Variants in NECTIN3 observed in about 807,000 individuals in gnomAD.
NECTIN3 encodes nectin-3.
NECTIN3 carries 8 observed loss-of-function variants against 49.4 expected under a neutral mutation model. The observed-to-expected ratio is 0.16, with a 90% CI of 0.10 to 0.29. The LOEUF (loss-of-function observed/expected upper bound fraction) is 0.29, where lower values mean the gene tolerates loss of function less well. Ranked by LOEUF, NECTIN3 falls within the 10% of genes least tolerant of loss-of-function variation. NECTIN3 has a pLI of 1.00. For synonymous variants in NECTIN3, 277 were observed against 241.1 expected, an observed-to-expected ratio of 1.15 and a Z score of -1.38; for missense variants, 581 against 654.6, an observed-to-expected ratio of 0.89 and a Z score of 1.23.
In NECTIN3 at chr3:111,137,484, A is replaced by G. The variant is rs1339821152; in HGVS notation, c.*3269A>G. On this transcript the variant is annotated 3_prime_UTR_variant, in exon 6 of 6. Transcript: ENST00000485303. Reference sequence around the variant, plus strand: ...TGTTTTGTTTTTTCTTTTTTAACCAACCTGTGTATTAGGTGTTAGCCCCAA... The same window carrying G: ...TGTTTTGTTTTTTCTTTTTTAACCAGCCTGTGTATTAGGTGTTAGCCCCAA... The G allele has an allele frequency of 7.5e-6, 7 of 931,400 alleles. No homozygotes were observed. The highest frequency in any genetic ancestry group is 8.7e-6 in the Non-Finnish European group (7 of 804,770). The allele number at this position is 931,400 out of a possible 1,614,324, so 57.7% of individuals were successfully genotyped here. A position where few individuals can be genotyped will look rare whatever the true frequency, so the allele number is the denominator to read the frequency against.
intron 1 of NECTIN3, chr3:111,072,676 C>T: frequency 1.0e-5 from 12 of 1,170,922 alleles, no homozygotes; most frequent in Non-Finnish European, 1.2e-5. Context: ...CACCCAGCCG[C>T]AGAATCCCCT....
rs1290503026 is a variant in NECTIN3 at position 111,160,461 on chromosome 3, TCAAAA to T, written c.1221+12981_1221+12985del. The stretch of plus-strand genomic sequence containing the variant: ...AAATGGGAAACCAAAGTGATAAGAC[TCAAAA>T]CAATAGTAAAAGGAAATAGCCAAAC... On this transcript the variant is annotated intron_variant, in intron 7 of 8. Coordinates refer to the NECTIN3 transcript ENST00000493615. 3.3e-5 allele frequency among the ~76,000 whole-genome samples: 5 copies of T among 152,184 alleles called. 1 individual carries two copies. Among genetic ancestry groups the T allele is most frequent in the Admixed American group, 1.3e-4 (2 of 15,270 alleles).
At chr3:111,091,483 A>G (rs974100625) in intron 1 of NECTIN3, among the ~76,000 whole-genome samples, 2 of 152,020 alleles carry the variant, frequency 1.3e-5, no homozygotes, top group African/African-American at 4.8e-5. Flanking sequence ...CAATCTCCTG[A>G]CCTCATGATT....
chr3:111,085,505 A>C (rs1220402445), intron 1 of NECTIN3, among the ~76,000 whole-genome samples: 1 of 152,150 alleles, frequency 6.6e-6, no homozygotes, highest in Non-Finnish European at 1.5e-5. Context: ...TATTCCTGAA[A>C]CCATTTTCCT....
At chr3:111,090,766 T>A (rs2032219319) in intron 1 of NECTIN3, among the ~76,000 whole-genome samples, 2 of 152,014 alleles carry the variant, frequency 1.3e-5, no homozygotes, top group South Asian at 4.2e-4. Context: ...AGTGCAAGTC[T>A]GCTGATTAAA....
chr3:111,139,108 T>C (rs1453242583), downstream of NECTIN3, among the ~76,000 whole-genome samples: 1 of 151,684 alleles, frequency 6.6e-6, no homozygotes, highest in East Asian at 1.9e-4. Context: ...ACATAATCCT[T>C]CTTGATATTA....
chr3:111,165,279 G>A (rs886346175), intron 7 of NECTIN3, among the ~76,000 whole-genome samples: 8 of 151,990 alleles, frequency 5.3e-5, no homozygotes, highest in East Asian at 3.9e-4. Context: ...TCCTGACCTC[G>A]TGATCCGCCC....
chr3:111,121,795 A>G (rs1250723621), intron 3 of NECTIN3, among the ~76,000 whole-genome samples: 1 of 152,158 alleles, frequency 6.6e-6, no homozygotes, highest in Non-Finnish European at 1.5e-5. Flanking sequence ...TTGTTCCTGT[A>G]TCTCTACATC....
At chr3:111,144,817 T>A in intron 5 of NECTIN3, 1 of 1,414,120 alleles carries the variant, frequency 7.1e-7, no homozygotes, top group South Asian at 1.4e-5. Flanking sequence ...AGTCAAATAG[T>A]TTGCACATTG....
chr3:111,177,793 A>G (rs991788285), intron 7 of NECTIN3, among the ~76,000 whole-genome samples: 1 of 152,228 alleles, frequency 6.6e-6, no homozygotes, highest in Non-Finnish European at 1.5e-5. Context: ...TTTATTAGTT[A>G]TGGAAAACAG....
At chr3:111,107,374 TAATTA>T (rs1240064283) in intron 1 of NECTIN3, among the ~76,000 whole-genome samples, 1 of 152,116 alleles carries the variant, frequency 6.6e-6, no homozygotes, top group East Asian at 1.9e-4. Flanking sequence ...AAATTCAATT[TAATTA>T]ATTAGCTAAT....
downstream of NECTIN3, among the ~76,000 whole-genome samples, chr3:111,139,161 A>G (rs1022591196): frequency 6.6e-6 from 1 of 151,688 alleles, no homozygotes; most frequent in Non-Finnish European, 1.5e-5. Context: ...GAAAAATAAA[A>G]GACCTTTTTA....
At chr3:111,182,301 C>G (rs1325366852) in intron 7 of NECTIN3, among the ~76,000 whole-genome samples, 1 of 151,974 alleles carries the variant, frequency 6.6e-6, no homozygotes, top group Non-Finnish European at 1.5e-5. Context: ...ACGTATGTTA[C>G]GCTGTTGTTG....
At chr3:111,124,298 GTACTTCA>G (rs1302337841) in intron 4 of NECTIN3, among the ~76,000 whole-genome samples, 1 of 152,052 alleles carries the variant, frequency 6.6e-6, no homozygotes, top group African/African-American at 2.4e-5. Flanking sequence ...GCCAGTAACA[GTACTTCA>G]TAGAGTTTTT....
chr3:111,094,183 A>G (rs930840074), intron 1 of NECTIN3, among the ~76,000 whole-genome samples: 2 of 151,890 alleles, frequency 1.3e-5, no homozygotes, highest in Non-Finnish European at 2.9e-5. Context: ...GGAAAAGACA[A>G]AACAAAAAAA....
chr3:111,105,194 G>C (rs1362884082), intron 1 of NECTIN3, among the ~76,000 whole-genome samples: 4 of 147,508 alleles, frequency 2.7e-5, no homozygotes, highest in Admixed American at 1.4e-4. Context: ...CCAGGCTGGA[G>C]TGCAGTGGCA....
upstream of NECTIN3, among the ~76,000 whole-genome samples, chr3:111,191,361 C>G (rs183675777): frequency 2.0e-5 from 3 of 152,202 alleles, no homozygotes; most frequent in Non-Finnish European, 4.4e-5. Context: ...AACCAGCACT[C>G]TCAGTCTGGA....
At chr3:111,179,288 C>T (rs1181753818) in intron 7 of NECTIN3, among the ~76,000 whole-genome samples, 2 of 152,130 alleles carry the variant, frequency 1.3e-5, no homozygotes, top group African/African-American at 4.8e-5. Flanking sequence ...CTATCCCTGC[C>T]CTGTTCTTTG....
At chr3:111,150,113 T>C (rs1018722932) in intron 7 of NECTIN3, among the ~76,000 whole-genome samples, 1 of 152,028 alleles carries the variant, frequency 6.6e-6, no homozygotes, top group African/African-American at 2.4e-5. Flanking sequence ...TCAGCTAAAA[T>C]AGTATTTAAT....
Sources: allele counts gnomAD v4.1 joint callset (sites outside exome capture counted in the v4.1 genomes callset), GRCh38; gene constraint gnomAD v4.1.1; transcripts MANE v1.5; gene names NCBI Gene and HGNC (gene_info 2026-07-23, HGNC 2026-07-21).